Variants in RPS6KA2 observed in about 807,000 individuals in gnomAD.
RPS6KA2 encodes the protein ribosomal protein S6 kinase alpha-2.
A neutral mutation model predicts 91.8 loss-of-function variants in RPS6KA2; 42 were observed. The observed-to-expected ratio is 0.46, with a 90% CI of 0.36 to 0.59. The LOEUF is 0.59. Among genes scored for constraint, RPS6KA2 ranks in the 20% least tolerant of loss-of-function variants. The pLI is 0.00. For synonymous variants in RPS6KA2, 414 were observed against 393.6 expected, an observed-to-expected ratio of 1.05 and a Z score of -0.61; for missense variants, 798 against 978.5, an observed-to-expected ratio of 0.82 and a Z score of 2.46.
intron 2 of RPS6KA2, among the ~76,000 whole-genome samples, chr6:166,856,594 G>A (rs953242527): frequency 1.3e-5 from 2 of 152,148 alleles, no homozygotes; most frequent in African/African-American, 2.4e-5. Flanking sequence ...GGGCCTTGTC[G>A]TCAGCCTCCT....
intron 3 of RPS6KA2, among the ~76,000 whole-genome samples, chr6:166,512,920 G>T (rs937318103): frequency 6.6e-6 from 1 of 151,738 alleles, no homozygotes; most frequent in Non-Finnish European, 1.5e-5. Flanking sequence ...CTGTTCCACT[G>T]CTCTGCCCAT....
At chr6:166,645,524 C>G (rs1787579243) in intron 2 of RPS6KA2, among the ~76,000 whole-genome samples, 1 of 152,216 alleles carries the variant, frequency 6.6e-6, no homozygotes, top group Admixed American at 6.5e-5. Context: ...ACCTCTGTCC[C>G]TCTCCTAGGC....
rs1779230767 is a variant in RPS6KA2, at chr6:166,434,472, C to A, written c.1333-1982G>T. ...GTGGGGGACTTTCCCTAACATGCCA[C>A]AGCCTAAGCAGGTCCTGGGAGGCTG... On this transcript the variant is annotated intron_variant, in intron 14 of 20. Transcript: ENST00000265678. The surrounding 1 kb of genome is among the most constrained non-coding windows in gnomAD (Gnocchi z 4.4). Among the ~76,000 whole-genome samples, 1 of 152,208 alleles carries A rather than the reference C, an allele frequency of 6.6e-6. No individual in the cohort carries two copies. Among genetic ancestry groups the A allele is most frequent in the Non-Finnish European group, 1.5e-5 (1 of 68,038 alleles).
chr6:166,519,870 G>A (rs962433201), intron 3 of RPS6KA2, among the ~76,000 whole-genome samples: 4 of 152,178 alleles, frequency 2.6e-5, no homozygotes, highest in African/African-American at 7.2e-5. Flanking sequence ...TATTGTGGTG[G>A]TTAGTTTTAC....
At chr6:166,463,416 G>GA (rs34395489) in intron 11 of RPS6KA2, 1 of 152,200 alleles carries the variant, frequency 6.6e-6, no homozygotes, top group Non-Finnish European at 1.5e-5. Flanking sequence ...ACCGACGAGA[G>GA]AAAATGCAGT....
At chr6:166,515,032 G>A (rs1299050013) in intron 3 of RPS6KA2, among the ~76,000 whole-genome samples, 1 of 152,168 alleles carries the variant, frequency 6.6e-6, no homozygotes, top group African/African-American at 2.4e-5. Context: ...CAGCAGCCAA[G>A]GGTGCCCAAG....
At chr6:166,505,537 T>A (rs1583216330) in intron 5 of RPS6KA2, among the ~76,000 whole-genome samples, 1 of 152,372 alleles carries the variant, frequency 6.6e-6, no homozygotes, top group South Asian at 2.1e-4. Context: ...ACATGATTAC[T>A]GAATTCTCTC....
intron 2 of RPS6KA2, among the ~76,000 whole-genome samples, chr6:166,795,202 G>T (rs1779193863): frequency 6.6e-6 from 1 of 152,158 alleles, no homozygotes; most frequent in African/African-American, 2.4e-5. Flanking sequence ...GTCTTTCAGT[G>T]TCTTAAAATC....
intron 2 of RPS6KA2, among the ~76,000 whole-genome samples, chr6:166,773,885 G>A (rs1778544469): frequency 6.6e-6 from 1 of 152,206 alleles, no homozygotes; most frequent in Non-Finnish European, 1.5e-5. Context: ...GGGGTATTCC[G>A]TGAAGAGGAC....
At chr6:166,734,446 TATCAGCAAGCC>T (rs1790616139) in intron 2 of RPS6KA2, among the ~76,000 whole-genome samples, 2 of 152,216 alleles carry the variant, frequency 1.3e-5, no homozygotes, top group Non-Finnish European at 2.9e-5. Flanking sequence ...AAACGTAAGC[TATCAGCAAGCC>T]ATCACCATCT....
chr6:166,645,711 A>C (rs1249969121), intron 2 of RPS6KA2, among the ~76,000 whole-genome samples: 1 of 152,218 alleles, frequency 6.6e-6, no homozygotes, highest in African/African-American at 2.4e-5. Context: ...TGTTGTACCC[A>C]CAGAGTTCTT....
intron 2 of RPS6KA2, among the ~76,000 whole-genome samples, chr6:166,769,640 C>T (rs1419990337): frequency 1.3e-5 from 2 of 152,212 alleles, no homozygotes; most frequent in Non-Finnish European, 2.9e-5. Context: ...AAAATGCGTT[C>T]AGACCCAGAT....
intron 10 of RPS6KA2, among the ~76,000 whole-genome samples, chr6:166,481,100 C>A (rs1015031319): frequency 6.6e-6 from 1 of 152,156 alleles, no homozygotes; most frequent in African/African-American, 2.4e-5. Context: ...CTGGGAAATT[C>A]TCTGCAGGAA....
intron 2 of RPS6KA2, among the ~76,000 whole-genome samples, chr6:166,829,274 C>A (rs773161536): frequency 6.6e-6 from 1 of 152,136 alleles, no homozygotes; most frequent in South Asian, 2.1e-4. Context: ...GAAAACAGGA[C>A]GGTGGTTCCT....
chr6:166,416,579 A>G (rs534497914), intron 19 of RPS6KA2, among the ~76,000 whole-genome samples: 127 of 150,432 alleles, frequency 8.4e-4, no homozygotes, highest in African/African-American at 3.0e-3. Flanking sequence ...GATCACCTCC[A>G]CGATCACTCC....
chr6:166,796,604 C>A (rs1271325437), intron 2 of RPS6KA2, among the ~76,000 whole-genome samples: 5 of 152,270 alleles, frequency 3.3e-5, no homozygotes, highest in Non-Finnish European at 7.4e-5. Context: ...ACAACAACAA[C>A]AACAAACTCA....
intron 10 of RPS6KA2, among the ~76,000 whole-genome samples, chr6:166,473,193 G>T (rs957190454): frequency 7.5e-6 from 1 of 132,596 alleles, no homozygotes; most frequent in Non-Finnish European, 1.6e-5. Flanking sequence ...GCCTGTGAAT[G>T]GATTTTTTTT....
intron 2 of RPS6KA2, among the ~76,000 whole-genome samples, chr6:166,817,603 A>T (rs1296300088): frequency 6.6e-6 from 1 of 152,198 alleles, no homozygotes. Flanking sequence ...AGAATCGCAC[A>T]AGGAGCACCC....
At position 166,516,759 on chromosome 6, in the gene RPS6KA2, T is replaced by C. The variant is rs79247840; in HGVS notation, c.299-6402A>G. Among the ~76,000 whole-genome samples, 1,415 of 152,298 alleles carry C rather than the reference T, an allele frequency of 9.3e-3. 17 individuals carry two copies. The highest frequency in any genetic ancestry group is 0.032 in the African/African-American group (1,350 of 41,548). On this transcript the variant is annotated intron_variant, in intron 3 of 20. Transcript: ENST00000265678. ...CCACGGGAGAGCAGGCCATCCGTCA[T>C]TCCAATGTGCCTCCTCTTCTGGGTG... is the stretch of plus-strand genomic sequence containing the variant.
Sources: allele counts gnomAD v4.1 joint callset (sites outside exome capture counted in the v4.1 genomes callset), GRCh38; gene constraint gnomAD v4.1.1; non-coding constraint Gnocchi (gnomAD v3.1); transcripts MANE v1.5; gene names NCBI Gene and HGNC (gene_info 2026-07-23, HGNC 2026-07-21).